ABTB3: variants seen among roughly 807,000 people sequenced by gnomAD.
ABTB3 encodes ankyrin repeat and BTB domain containing 3, also known as ankyrin repeat- and BTB/POZ domain-containing protein 3.
the ABTB3 span, among the ~76,000 whole-genome samples, chr12:107,331,219 C>T: frequency 2.6e-5 from 4 of 152,210 alleles, no homozygotes; most frequent in Non-Finnish European, 4.4e-5. Context: ...TCTCTGACTC[C>T]TCCCTCAGCC....
the ABTB3 span, among the ~76,000 whole-genome samples, chr12:107,630,107 T>G: frequency 6.6e-6 from 1 of 152,136 alleles, no homozygotes; most frequent in Non-Finnish European, 1.5e-5. Flanking sequence ...GATTCAAGGA[T>G]GCAGCGGGGA....
At chr12:107,511,552 G>A in the ABTB3 span, among the ~76,000 whole-genome samples, 1 of 151,990 alleles carries the variant, frequency 6.6e-6, no homozygotes, top group Non-Finnish European at 1.5e-5. Flanking sequence ...CAGCATGCTA[G>A]CCAGGCTTCT....
At chr12:107,553,194 C>T in the ABTB3 span, among the ~76,000 whole-genome samples, 5 of 152,200 alleles carry the variant, frequency 3.3e-5, no homozygotes, top group African/African-American at 1.2e-4. Context: ...GGGGATTATT[C>T]TCTACTCCCT....
At chr12:107,389,289 C>T in the ABTB3 span, among the ~76,000 whole-genome samples, 1 of 152,238 alleles carries the variant, frequency 6.6e-6, no homozygotes, top group Non-Finnish European at 1.5e-5. Flanking sequence ...GTCTCTCCCC[C>T]ATAATAGCTA....
chr12:107,361,932 C>T, the ABTB3 span, among the ~76,000 whole-genome samples: 1 of 152,010 alleles, frequency 6.6e-6, no homozygotes, highest in Non-Finnish European at 1.5e-5. Flanking sequence ...AAAAAGGGAC[C>T]CCAGAAAGCT....
At chr12:107,403,068 C>T in the ABTB3 span, among the ~76,000 whole-genome samples, 44 of 152,300 alleles carry the variant, frequency 2.9e-4, no homozygotes, top group African/African-American at 1.0e-3. Flanking sequence ...CCACAGGCCT[C>T]GGACCCAAGT....
At chr12:107,558,147 C>T in the ABTB3 span, among the ~76,000 whole-genome samples, 5 of 152,142 alleles carry the variant, frequency 3.3e-5, 1 homozygote, top group African/African-American at 7.2e-5. Flanking sequence ...TCAAAGGTTC[C>T]AGGTAGGAAA....
At chr12:107,326,895 G>T in the ABTB3 span, among the ~76,000 whole-genome samples, 1 of 152,176 alleles carries the variant, frequency 6.6e-6, no homozygotes, top group Non-Finnish European at 1.5e-5. Flanking sequence ...CTAGCAGTGG[G>T]TGAAGTTCCT....
At chr12:107,430,639 T>C in the ABTB3 span, among the ~76,000 whole-genome samples, 1 of 152,200 alleles carries the variant, frequency 6.6e-6, no homozygotes, top group East Asian at 1.9e-4. Context: ...CCTTCCAGAA[T>C]AGTGTTAAAA....
the ABTB3 span, among the ~76,000 whole-genome samples, chr12:107,630,065 G>A: frequency 6.6e-6 from 1 of 152,244 alleles, no homozygotes; most frequent in African/African-American, 2.4e-5. Context: ...ACTGGGAAGG[G>A]CACAGGGCAG....
At chr12:107,329,952 A>G in the ABTB3 span, among the ~76,000 whole-genome samples, 2 of 152,160 alleles carry the variant, frequency 1.3e-5, no homozygotes, top group African/African-American at 2.4e-5. Flanking sequence ...CATACAGGCT[A>G]TTAGAGTCTT....
the ABTB3 span, among the ~76,000 whole-genome samples, chr12:107,386,659 A>T: frequency 6.6e-6 from 1 of 152,138 alleles, no homozygotes; most frequent in African/African-American, 2.4e-5. Context: ...GTGCCTAGTG[A>T]GCCCACAGCC....
At chr12:107,586,337 C>T in the ABTB3 span, among the ~76,000 whole-genome samples, 2 of 152,176 alleles carry the variant, frequency 1.3e-5, no homozygotes, top group African/African-American at 4.8e-5. Context: ...AGGTCACCTG[C>T]AAAGGCTGAG....
chr12:107,655,726 G>A, the ABTB3 span, among the ~76,000 whole-genome samples: 1 of 152,170 alleles, frequency 6.6e-6, no homozygotes, highest in Non-Finnish European at 1.5e-5. Context: ...TTCCACAAAT[G>A]CATGGCTTAG....
the ABTB3 span, among the ~76,000 whole-genome samples, chr12:107,641,490 G>A: frequency 6.6e-6 from 1 of 152,170 alleles, no homozygotes; most frequent in African/African-American, 2.4e-5. Context: ...TTATCCATGT[G>A]TTCCATTGAT....
At chr12:107,430,455 T>A in the ABTB3 span, among the ~76,000 whole-genome samples, 1 of 152,240 alleles carries the variant, frequency 6.6e-6, no homozygotes, top group Non-Finnish European at 1.5e-5. Context: ...ATTTATACTC[T>A]AATAATCAGT....
At chr12:107,600,582 T>C in the ABTB3 span, among the ~76,000 whole-genome samples, 1 of 152,142 alleles carries the variant, frequency 6.6e-6, no homozygotes, top group Admixed American at 6.5e-5. Flanking sequence ...CATCCTCTCA[T>C]ATTTATCCCC....
chr12:107,618,180 G>A, the ABTB3 span: 60 of 1,613,854 alleles, frequency 3.7e-5, no homozygotes, highest in South Asian at 4.3e-4. Flanking sequence ...CAAACTGCTC[G>A]CCCAGCCAGA....
chr12:107,448,399 A>G, the ABTB3 span, among the ~76,000 whole-genome samples: 1 of 152,308 alleles, frequency 6.6e-6, no homozygotes, highest in South Asian at 2.1e-4. Flanking sequence ...TGCTCTGCCC[A>G]CAGGGGGCCC....
Sources: gnomAD v4.1 joint callset for allele counts (sites outside exome capture counted in the v4.1 genomes callset) on GRCh38, gnomAD v4.1.1 for gene constraint, MANE v1.5 for transcripts, NCBI Gene and HGNC (gene_info 2026-07-23, HGNC 2026-07-21) for gene names.